The following GRID2 variants were observed in gnomAD, a reference collection of about 807,000 sequenced individuals.
GRID2 encodes the protein glutamate receptor ionotropic, delta-2.
GRID2 carries 33 observed loss-of-function variants against 114.8 expected under a neutral mutation model. The observed-to-expected ratio is 0.29, with a 90% confidence interval of 0.22 to 0.38. The LOEUF is 0.38. Among genes scored for constraint, GRID2 ranks in the 10% least tolerant of loss-of-function variants. The pLI, the probability that GRID2 is intolerant of heterozygous loss-of-function variation, is 1.00. For synonymous variants in GRID2, 505 were observed against 449.9 expected, an observed-to-expected ratio of 1.12 and a Z score of -1.55; for missense variants, 1,184 against 1,257.7, an observed-to-expected ratio of 0.94 and a Z score of 0.89.
At chr4:92,461,876 CA>C (rs1277697371) in intron 1 of GRID2, among the ~76,000 whole-genome samples, 1 of 151,964 alleles carries the variant, frequency 6.6e-6, no homozygotes, top group Non-Finnish European at 1.5e-5. Context: ...AGATCTTCAT[CA>C]GCCTAGAAGT....
chr4:93,264,264 G>T (rs1750559136), intron 8 of GRID2, among the ~76,000 whole-genome samples: 1 of 152,078 alleles, frequency 6.6e-6, no homozygotes, highest in South Asian at 2.1e-4. Flanking sequence ...ATTGCACTAA[G>T]AATCCAACAG....
Position 93,110,960 on chromosome 4 carries a change from G to GA in GRID2, c.735+11dup, listed in dbSNP as rs1732710438. 1.3e-6 allele frequency: 2 copies of GA among 1,578,692 alleles called. No homozygotes were observed. The highest frequency in any genetic ancestry group is 1.1e-5 in the South Asian group (1 of 90,370). On this transcript the variant is annotated splice_region_variant and intron_variant, in intron 4 of 15. Coordinates refer to ENST00000282020, the MANE Select transcript of GRID2 (RefSeq NM_001510.4). ...CAAATCCTTCATTACTGAGGTAAGT[G>GA]AAAATTGTCTTGGGGTGAGAGTTGT...
At chr4:92,910,600 TGAG>T (rs1748298874) in intron 2 of GRID2, among the ~76,000 whole-genome samples, 1 of 152,112 alleles carries the variant, frequency 6.6e-6, no homozygotes, top group South Asian at 2.1e-4. Flanking sequence ...CTAAATACAA[TGAG>T]AATTTTCAAA....
intron 11 of GRID2, among the ~76,000 whole-genome samples, chr4:93,466,206 C>G (rs2870707): frequency 0.24 from 36,909 of 152,104 alleles, 5,490 homozygotes; most frequent in Non-Finnish European, 0.34. Context: ...TGATGGCAGT[C>G]TGAAACCATA....
intron 2 of GRID2, among the ~76,000 whole-genome samples, chr4:93,054,088 T>G (rs1339750913): frequency 6.6e-6 from 1 of 151,980 alleles, no homozygotes; most frequent in Non-Finnish European, 1.5e-5. Flanking sequence ...TTTTATGTTA[T>G]ACAGAATAAA....
At chr4:92,800,208 G>C (rs1740085882) in intron 2 of GRID2, among the ~76,000 whole-genome samples, 1 of 151,774 alleles carries the variant, frequency 6.6e-6, no homozygotes, top group Admixed American at 6.6e-5. Context: ...TTCTAAAACA[G>C]GACTTCACCC....
At chr4:93,247,345 G>A (rs1429857209) in intron 8 of GRID2, among the ~76,000 whole-genome samples, 3 of 152,062 alleles carry the variant, frequency 2.0e-5, no homozygotes, top group Non-Finnish European at 2.9e-5. Context: ...ATTTTAATTG[G>A]CGTACTGGGT....
intron 14 of GRID2, among the ~76,000 whole-genome samples, chr4:93,696,997 T>A (rs1193759315): frequency 3.9e-5 from 6 of 152,198 alleles, no homozygotes; most frequent in Non-Finnish European, 1.5e-5. Context: ...ACCCACTCTA[T>A]GTTATTTTCC....
At chr4:92,646,791 G>A (rs1021536273) in intron 2 of GRID2, among the ~76,000 whole-genome samples, 22 of 152,226 alleles carry the variant, frequency 1.4e-4, no homozygotes, top group Non-Finnish European at 2.1e-4. Flanking sequence ...AAATTATTTC[G>A]TATTCTATTT....
chr4:93,673,954 C>T (rs1724639756), intron 14 of GRID2, among the ~76,000 whole-genome samples: 1 of 151,902 alleles, frequency 6.6e-6, no homozygotes, highest in African/African-American at 2.4e-5. Context: ...CTCTTTTCTT[C>T]TTCACCTCCT....
intron 1 of GRID2, among the ~76,000 whole-genome samples, chr4:92,356,837 A>C (rs1459640527): frequency 2.0e-5 from 3 of 151,892 alleles, no homozygotes; most frequent in Admixed American, 6.6e-5. Flanking sequence ...ATGCTTAAAA[A>C]TTGATGTGCA....
chr4:93,148,928 T>A (rs977792352), intron 4 of GRID2, among the ~76,000 whole-genome samples: 3 of 152,200 alleles, frequency 2.0e-5, no homozygotes, highest in Admixed American at 6.5e-5. Flanking sequence ...ATCGATTTCA[T>A]GTAATCTCAT....
intron 10 of GRID2, among the ~76,000 whole-genome samples, chr4:93,439,448 G>A (rs1397014522): frequency 6.6e-6 from 1 of 152,052 alleles, no homozygotes; most frequent in African/African-American, 2.4e-5. Flanking sequence ...TTGGCTATAG[G>A]CATTTTGATT....
At chr4:93,062,843 A>T (rs965692797) in intron 2 of GRID2, among the ~76,000 whole-genome samples, 1 of 152,042 alleles carries the variant, frequency 6.6e-6, no homozygotes, top group Non-Finnish European at 1.5e-5. Context: ...CTAAAATAGT[A>T]TAAGAATTGT....
At chr4:92,385,124 G>A (rs1309840415) in intron 1 of GRID2, among the ~76,000 whole-genome samples, 6 of 151,652 alleles carry the variant, frequency 4.0e-5, no homozygotes, top group African/African-American at 1.5e-4. Context: ...GATGTGTTAA[G>A]TTTCCTGCTA....
intron 4 of GRID2, among the ~76,000 whole-genome samples, chr4:93,171,829 G>A (rs537861918): frequency 2.5e-4 from 36 of 146,748 alleles, no homozygotes; most frequent in Non-Finnish European, 4.4e-4. Flanking sequence ...GTAAATTGAA[G>A]TCCCGCACAC....
At chr4:93,060,025 T>G (rs2149291476) in intron 2 of GRID2, among the ~76,000 whole-genome samples, 1 of 152,242 alleles carries the variant, frequency 6.6e-6, no homozygotes, top group African/African-American at 2.4e-5. Context: ...AGATTTTTTT[T>G]GTCTGCTTAT....
chr4:93,484,138 A>G (rs1322293733), intron 11 of GRID2, among the ~76,000 whole-genome samples: 1 of 151,846 alleles, frequency 6.6e-6, no homozygotes, highest in African/African-American at 2.4e-5. Context: ...TTATTTGCCT[A>G]CAGAAAAGTA....
chr4:93,034,719 T>C lies in GRID2; in HGVS notation c.245-50276T>C, dbSNP rs181155050. Among the ~76,000 whole-genome samples, 12 of 152,300 alleles carry C rather than the reference T, an allele frequency of 7.9e-5. No individual in the cohort carries two copies. In the East Asian group the frequency reaches 2.3e-3, roughly 29 times the overall value. On this transcript the variant is annotated intron_variant, in intron 2 of 15. Transcript: ENST00000282020. ...GAATATCAAGGCACATAACTCACTT[T>C]GTCCAATGTTTCAACAGAAAAAAAT...
Sources: gnomAD v4.1 joint callset for allele counts (sites outside exome capture counted in the v4.1 genomes callset) on GRCh38, gnomAD v4.1.1 for gene constraint, MANE v1.5 for transcripts, NCBI Gene and HGNC (gene_info 2026-07-23, HGNC 2026-07-21) for gene names.